Variants in PPFIA2 observed in about 807,000 individuals in gnomAD.
PPFIA2 encodes PPFI scaffold protein A2.
A neutral mutation model predicts 175.5 loss-of-function variants in PPFIA2; 46 were observed. The ratio of observed to expected loss-of-function variants is 0.26; its 90% CI spans 0.21 to 0.34. PPFIA2 has a LOEUF of 0.34. PPFIA2 is among the 10% of genes least tolerant of loss of function. The pLI, the probability that PPFIA2 is intolerant of heterozygous loss-of-function variation, is 1.00. For missense variants in PPFIA2, 1,179 were observed against 1,506.1 expected, an observed-to-expected ratio of 0.78 and a Z score of 3.60; for synonymous variants, 568 against 511.4, an observed-to-expected ratio of 1.11 and a Z score of -1.49.
intron 3 of PPFIA2, among the ~76,000 whole-genome samples, chr12:81,717,230 A>C (rs893682744): frequency 3.3e-5 from 5 of 151,738 alleles, no homozygotes; most frequent in African/African-American, 9.7e-5. Flanking sequence ...ATACAACTTT[A>C]TGGATGCTGA....
chr12:81,420,968 G>T (rs1290314505), intron 7 of PPFIA2, among the ~76,000 whole-genome samples: 1 of 152,064 alleles, frequency 6.6e-6, no homozygotes, highest in African/African-American at 2.4e-5. Context: ...ACTATTAGTA[G>T]ATTTCTCAGC....
At chr12:81,308,628 G>T (rs2049954743) in intron 22 of PPFIA2, among the ~76,000 whole-genome samples, 1 of 151,976 alleles carries the variant, frequency 6.6e-6, no homozygotes, top group Admixed American at 6.5e-5. Context: ...TTTTCCTATG[G>T]TTCATTTGTT....
At chr12:81,268,140 T>G in intron 28 of PPFIA2, 53 bp from the exon 29 acceptor site, 1 of 923,058 alleles carries the variant, frequency 1.1e-6, no homozygotes, top group Non-Finnish European at 1.5e-6. Context: ...TTCTTTTTTT[T>G]TTTTTTTTTT....
intron 3 of PPFIA2, among the ~76,000 whole-genome samples, chr12:81,694,471 G>A (rs528371908): frequency 6.6e-6 from 1 of 152,288 alleles, no homozygotes; most frequent in East Asian, 1.9e-4. Context: ...GAAAGCCTTG[G>A]TGGCTTCCAT....
At chr12:81,277,576 T>G (rs1231038659) in intron 27 of PPFIA2, among the ~76,000 whole-genome samples, 162 bp from the exon 28 acceptor site, 1 of 152,126 alleles carries the variant, frequency 6.6e-6, no homozygotes, top group African/African-American at 2.4e-5. Context: ...GGAAATACAT[T>G]TATAATTATT....
intron 4 of PPFIA2, among the ~76,000 whole-genome samples, chr12:81,515,362 C>A (rs2147909386): frequency 6.6e-6 from 1 of 152,070 alleles, no homozygotes; most frequent in East Asian, 1.9e-4. Context: ...GATGTAAACA[C>A]ACTCTGGTAA....
intron 4 of PPFIA2, among the ~76,000 whole-genome samples, chr12:81,590,471 T>G (rs1200541881): frequency 1.3e-5 from 2 of 152,134 alleles, no homozygotes; most frequent in East Asian, 3.8e-4. Context: ...TCTTTTTCTT[T>G]TTTATTTTCT....
chr12:81,723,591 C>T (rs183517229), intron 3 of PPFIA2, among the ~76,000 whole-genome samples: 58 of 151,110 alleles, frequency 3.8e-4, no homozygotes, highest in East Asian at 2.2e-3. Context: ...TCCCAGGTGT[C>T]CATGAAAAGA....
chr12:81,394,355 T>C lies in PPFIA2; in HGVS notation c.763-10111A>G, dbSNP rs1037175247. On this transcript the variant is annotated intron_variant, in intron 8 of 32. Coordinates refer to ENST00000549396, the MANE Select transcript of PPFIA2 (RefSeq NM_003625.5). ...GTATCCAGGTCACAAAAATTATGTA[T>C]GTAAAGGATTAATGGTAGGCATAGA... Among the ~76,000 whole-genome samples the C allele has an allele frequency of 2.6e-5, 4 of 152,052 alleles. No homozygotes were observed. The East Asian group carries it at 7.8e-4, about 30-fold the overall frequency.
chr12:81,394,969 T>C (rs1421763429), intron 8 of PPFIA2, among the ~76,000 whole-genome samples: 2 of 152,064 alleles, frequency 1.3e-5, no homozygotes, highest in Non-Finnish European at 2.9e-5. Flanking sequence ...ATAGCATTAT[T>C]ATTAAAGTCT....
At chr12:81,594,095 A>C (rs1595405731) in intron 4 of PPFIA2, among the ~76,000 whole-genome samples, 1 of 152,158 alleles carries the variant, frequency 6.6e-6, no homozygotes, top group East Asian at 1.9e-4. Flanking sequence ...TCTATGTTGC[A>C]CCTGCCTTAC....
At chr12:81,591,202 T>G (rs1394175540) in intron 4 of PPFIA2, among the ~76,000 whole-genome samples, 2 of 152,116 alleles carry the variant, frequency 1.3e-5, no homozygotes, top group African/African-American at 2.4e-5. Flanking sequence ...CCCTAAAGAT[T>G]TGTGGAACTT....
intron 4 of PPFIA2, among the ~76,000 whole-genome samples, chr12:81,470,184 A>G (rs2056477961): frequency 6.6e-6 from 1 of 152,214 alleles, no homozygotes; most frequent in South Asian, 2.1e-4. Flanking sequence ...AGCAAACTAT[A>G]TATCTGATAA....
chr12:81,715,924 A>G (rs1255913945), intron 3 of PPFIA2, among the ~76,000 whole-genome samples: 1 of 151,592 alleles, frequency 6.6e-6, no homozygotes, highest in Non-Finnish European at 1.5e-5. Context: ...ATTTTTTTAA[A>G]TTTTAACTCA....
intron 7 of PPFIA2, among the ~76,000 whole-genome samples, chr12:81,427,613 A>T (rs2047373358): frequency 6.6e-6 from 1 of 152,082 alleles, no homozygotes; most frequent in South Asian, 2.1e-4. Flanking sequence ...AAATACAAAA[A>T]AAAGGAGATG....
intron 4 of PPFIA2, among the ~76,000 whole-genome samples, chr12:81,569,810 G>A (rs552543387): frequency 1.7e-4 from 26 of 152,052 alleles, no homozygotes; most frequent in African/African-American, 6.0e-4. Flanking sequence ...CAAAATATAG[G>A]AAGTAAGTGC....
intron 8 of PPFIA2, among the ~76,000 whole-genome samples, chr12:81,393,470 C>T (rs1409147009): frequency 6.6e-6 from 1 of 152,008 alleles, no homozygotes; most frequent in African/African-American, 2.4e-5. Flanking sequence ...CAAGTAGGCT[C>T]CCACATCCCA....
intron 4 of PPFIA2, among the ~76,000 whole-genome samples, chr12:81,527,099 T>C (rs2063819860): frequency 2.0e-5 from 3 of 152,154 alleles, no homozygotes; most frequent in Admixed American, 1.3e-4. Flanking sequence ...AAAATATTCG[T>C]GTCTTAATTT....
chr12:81,574,049 T>C (rs1018608486), intron 4 of PPFIA2, among the ~76,000 whole-genome samples: 2 of 151,896 alleles, frequency 1.3e-5, no homozygotes, highest in African/African-American at 4.8e-5. Flanking sequence ...ACTAGACAGA[T>C]GGTACTCAAT....
Sources: allele counts gnomAD v4.1 joint callset (sites outside exome capture counted in the v4.1 genomes callset), GRCh38; gene constraint gnomAD v4.1.1; transcripts MANE v1.5; gene names NCBI Gene and HGNC (gene_info 2026-07-23, HGNC 2026-07-21).